ZNF780B: variants seen among roughly 807,000 people sequenced by gnomAD.
ZNF780B encodes zinc finger protein 780B.
In ZNF780B, 52 loss-of-function variants were observed where a neutral mutation model predicts 74.1. The observed-to-expected ratio is 0.70, with a 90% CI of 0.56 to 0.88. ZNF780B has a LOEUF of 0.88. ZNF780B is among the 40% of genes least tolerant of loss of function. The probability of loss-of-function intolerance (pLI) is 0.00; values close to 1 mark genes in which losing one functional copy is unlikely to be tolerated. For synonymous variants in ZNF780B, 315 were observed against 324.3 expected (o/e 0.97, Z 0.31); for missense variants, 953 against 1,007.6 (o/e 0.95, Z 0.73).
At chr19:40,048,054 C>T (rs930333339) in intron 3 of ZNF780B, among the ~76,000 whole-genome samples, 32 of 152,096 alleles carry the variant, frequency 2.1e-4, no homozygotes, top group Admixed American at 4.6e-4. Flanking sequence ...AAACAAGTAA[C>T]GGAAGGTCTG....
chr19:40,036,643 AG>A lies in ZNF780B; in HGVS notation c.233-18del. ...ACTCCAAATCTGAAAGAAATGAAGAAGGCAAACCTATTTTATTTTCCTATAA... is the reference window on the plus strand; with the variant it reads ...ACTCCAAATCTGAAAGAAATGAAGAAGCAAACCTATTTTATTTTCCTATAA... On this transcript the variant is annotated intron_variant, in intron 4 of 4. Transcript: ENST00000434248. 6.9e-7 allele frequency: 1 copy of A among 1,451,486 alleles called. No individual in the cohort carries two copies. The highest frequency in any genetic ancestry group is 2.3e-5 in the East Asian group (1 of 42,600). 89.9% of individuals were successfully genotyped at this position (1,451,486 alleles called of 1,614,324 possible).
At chr19:40,043,247 C>T (rs545024953) in intron 4 of ZNF780B, among the ~76,000 whole-genome samples, 4 of 152,192 alleles carry the variant, frequency 2.6e-5, no homozygotes, top group South Asian at 2.1e-4. Context: ...ATTGGTGACC[C>T]GCAAATGCTG....
chr19:40,037,153 G>A (rs1480848005), intron 4 of ZNF780B, among the ~76,000 whole-genome samples: 1 of 151,676 alleles, frequency 6.6e-6, no homozygotes, highest in Non-Finnish European at 1.5e-5. Flanking sequence ...AACATCAGGT[G>A]ATCCACCCAC....
chr19:40,050,888 T>C (rs1973195298), intron 1 of ZNF780B, among the ~76,000 whole-genome samples: 1 of 152,186 alleles, frequency 6.6e-6, no homozygotes, highest in Admixed American at 6.5e-5. Flanking sequence ...GCATTCTGAG[T>C]TCACCAAAAG....
rs746682107 is a variant in ZNF780B at position 40,034,638 on chromosome 19, C to G, written c.2221G>C (p.Ala741Pro). Residue 741 changes from alanine (A) to proline (P), a missense_variant, in exon 5 of 5, where the codon GCT becomes CCT. Coordinates refer to ENST00000434248, the MANE Select transcript of ZNF780B (RefSeq NM_001005851.3). Reference sequence around the variant, plus strand: ...CCAGTATGAATGATCTGATGTTGAGCAAGCTGTGTCAGAAGACCAAAGGCC... The same window carrying G: ...CCAGTATGAATGATCTGATGTTGAGGAAGCTGTGTCAGAAGACCAAAGGCC... ...GKAFGLLTQL[A>P]QHQIIHTGEK... 2 of 1,612,924 alleles carry G rather than the reference C, an allele frequency of 1.2e-6. No homozygotes were observed. Among genetic ancestry groups the G allele is most frequent in the Non-Finnish European group, 1.7e-6 (2 of 1,179,664 alleles).
chr19:40,054,611 C>A (rs1973396283), intron 1 of ZNF780B, among the ~76,000 whole-genome samples: 1 of 152,154 alleles, frequency 6.6e-6, no homozygotes, highest in African/African-American at 2.4e-5. Flanking sequence ...TCACATATTC[C>A]CAATGCTCCT....
intron 1 of ZNF780B, among the ~76,000 whole-genome samples, chr19:40,055,826 G>A (rs1478200531): frequency 1.3e-5 from 2 of 152,178 alleles, no homozygotes; most frequent in Non-Finnish European, 2.9e-5. Flanking sequence ...CTCTGCTGCA[G>A]CCTCTGCAGC....
chr19:40,038,443 C>G (rs1972462466), intron 4 of ZNF780B, among the ~76,000 whole-genome samples: 1 of 151,680 alleles, frequency 6.6e-6, no homozygotes, highest in Admixed American at 6.6e-5. Flanking sequence ...AATGGGATGG[C>G]TGGGTCAAAT....
chr19:40,043,964 T>C (rs1403324881), intron 4 of ZNF780B, among the ~76,000 whole-genome samples: 2 of 152,198 alleles, frequency 1.3e-5, no homozygotes, highest in Non-Finnish European at 2.9e-5. Context: ...GTACCTCAGA[T>C]GGAAATGCAG....
rs1417265374 is a variant in ZNF780B, at chr19:40,048,673, G to C, written c.133C>G (p.Leu45Val). ...MLENYSHLIS[L>V]GSSISKPDVI... ...TAACTGGGACCAATGACCTTACCCA[G>C]TGATATCAGGTGGCTGTAGTTCTCC... is the stretch of plus-strand genomic sequence containing the variant. The change falls in exon 3 of 5, where the codon CTG becomes GTG. Residue 45 changes from leucine to valine, a missense_variant. Transcript: ENST00000434248. 2 of 1,614,188 alleles carry C rather than the reference G, an allele frequency of 1.2e-6. No homozygotes were observed. Among genetic ancestry groups the C allele is most frequent in the South Asian group, 1.1e-5 (1 of 91,084 alleles).
intron 2 of ZNF780B, 55 bp from the exon 3 acceptor site, chr19:40,048,851 G>GA (rs1973070500): frequency 1.2e-6 from 2 of 1,609,272 alleles, no homozygotes; most frequent in East Asian, 4.5e-5. Context: ...GTTTCAAGAC[G>GA]AAAGGAGAGG....
Position 40,035,903 on chromosome 19 carries a change from T to G in ZNF780B, c.956A>C (p.Gln319Pro), listed in dbSNP as rs1568407852. The change falls in exon 5 of 5, where the codon CAA (glutamine) becomes CCA (proline). Residue 319 changes from glutamine (Q) to proline (P), a missense_variant. Coordinates refer to ENST00000434248, the MANE Select transcript of ZNF780B (RefSeq NM_001005851.3). Reference sequence around the variant, plus strand: ...ATGAATTCGGCAATGTTCAATGAGTTGGTAATGATATCGAAAGGCCATCTC... The same window carrying G: ...ATGAATTCGGCAATGTTCAATGAGTGGGTAATGATATCGAAAGGCCATCTC... Reference protein sequence around the residue: ...ECEMAFRYHYQLIEHCRIHTG... With the variant: ...ECEMAFRYHYPLIEHCRIHTG... 2 of 1,613,636 alleles carry G rather than the reference T, an allele frequency of 1.2e-6. No individual in the cohort carries two copies. The highest frequency in any genetic ancestry group is 1.7e-4 in the Middle Eastern group (1 of 6,056).
At position 40,037,131 on chromosome 19, in the gene ZNF780B, T is replaced by G. The variant is rs576012475; in HGVS notation, c.233-505A>C. Among the ~76,000 whole-genome samples the G allele has an allele frequency of 1.2e-4, 19 of 152,136 alleles. No individual in the cohort carries two copies. In the South Asian group the frequency reaches 3.7e-3, roughly 30 times the overall value. On this transcript the variant is annotated intron_variant, in intron 4 of 4. Transcript: ENST00000434248. ...GGTTTCACAATGTTGGCCAGGCTGGTCTGGAATGCCTAACATCAGGTGATC... is the reference window on the plus strand; with the variant it reads ...GGTTTCACAATGTTGGCCAGGCTGGGCTGGAATGCCTAACATCAGGTGATC...
rs1233297490 is a variant in ZNF780B at position 40,035,685 on chromosome 19, T to C, written c.1174A>G (p.Lys392Glu). ...CGATTAAAGGACTTCCCACATTCTT[T>C]ACATTCAAATGGTTTTTCACCTGTG... ...IHTGEKPFECKECGKSFNRSS... is the reference protein window; with the variant it reads ...IHTGEKPFECEECGKSFNRSS... The change falls in exon 5 of 5, where the codon AAA (lysine) becomes GAA (glutamate). Residue 392 changes from lysine to glutamate, a missense_variant. By Grantham distance (56) the Lys-to-Glu change is moderately conservative (BLOSUM62 1). Transcript: ENST00000434248. 1.2e-6 allele frequency: 2 copies of C among 1,614,156 alleles called. No individual in the cohort carries two copies. Among genetic ancestry groups the C allele is most frequent in the East Asian group, 4.5e-5 (2 of 44,870 alleles).
In ZNF780B at chr19:40,035,648, A is replaced by C; in HGVS notation, c.1211T>G (p.Leu404Arg). Residue 404 changes from leucine (L) to arginine (R), a missense_variant, in exon 5 of 5, where the codon CTT (leucine) becomes CGT (arginine). By Grantham distance (102) the Leu-to-Arg change is moderately radical. Transcript: ENST00000434248. ...CGKSFNRSSN[L>R]IQHQSIHADV... ...AGCATGAATACTCTGGTGTTGAATA[A>C]GGTTTGAACTACGATTAAAGGACTT... The C allele has an allele frequency of 6.2e-7, 1 of 1,613,834 alleles. No homozygotes were observed.
chr19:40,044,866 G>T (rs145698453), intron 4 of ZNF780B, among the ~76,000 whole-genome samples: 18 of 152,222 alleles, frequency 1.2e-4, no homozygotes, highest in South Asian at 6.2e-4. Context: ...CACACTGAAC[G>T]TCAATGGATT....
Position 40,034,633 on chromosome 19 carries a change from T to C in ZNF780B, c.2226A>G (p.Gln742=), listed in dbSNP as rs745328022. Residue 742 remains glutamine (Q), a synonymous_variant, in exon 5 of 5, where the codon CAA becomes CAG. Coordinates refer to ENST00000434248, the MANE Select transcript of ZNF780B (RefSeq NM_001005851.3). ...TCTCACCAGTATGAATGATCTGATG[T>C]TGAGCAAGCTGTGTCAGAAGACCAA... The part of the protein sequence containing the change: ...KAFGLLTQLA[Q]HQIIHTGEKP... 2.5e-6 allele frequency: 4 copies of C among 1,613,754 alleles called. No homozygotes were observed. Among genetic ancestry groups the C allele is most frequent in the African/African-American group, 2.7e-5 (2 of 74,792 alleles).
rs1171107935 is a variant in ZNF780B, at chr19:40,031,843, T to C, written c.*2514A>G. ...AACTTTTCAGAGATGACAACGTCTC[T>C]CCATAGATTACTTACCCACTACAAA... On this transcript the variant is annotated 3_prime_UTR_variant, in exon 5 of 5. Coordinates refer to ENST00000434248, the MANE Select transcript of ZNF780B (RefSeq NM_001005851.3). 1 of 277,246 alleles carries C rather than the reference T, an allele frequency of 3.6e-6. No individual in the cohort carries two copies. The highest frequency in any genetic ancestry group is 7.3e-6 in the Non-Finnish European group (1 of 137,506). The allele number at this position is 277,246 out of a possible 1,614,324, so 17.2% of individuals were successfully genotyped here. A position where few individuals can be genotyped will look rare whatever the true frequency, so the allele number is the denominator to read the frequency against.
intron 1 of ZNF780B, chr19:40,055,620 C>G (rs1973459038): frequency 6.6e-6 from 1 of 152,218 alleles, no homozygotes; most frequent in Non-Finnish European, 1.5e-5. Context: ...AGGAATCGGT[C>G]TGAGTTCGAA....
Sources: gnomAD v4.1 joint callset for allele counts (sites outside exome capture counted in the v4.1 genomes callset) on GRCh38, gnomAD v4.1.1 for gene constraint, MANE v1.5 for transcripts, NCBI Gene and HGNC (gene_info 2026-07-23, HGNC 2026-07-21) for gene names.